RBMS3: variants seen among roughly 807,000 people sequenced by gnomAD.
RBMS3 encodes RNA-binding motif, single-stranded-interacting protein 3.
RBMS3 carries 27 observed loss-of-function variants against 66.8 expected under a neutral mutation model. The ratio of observed to expected loss-of-function variants is 0.40; its 90% CI spans 0.30 to 0.56. The LOEUF is 0.56. Among genes scored for constraint, RBMS3 ranks in the 20% least tolerant of loss-of-function variants. RBMS3 has a pLI of 0.40. For missense variants in RBMS3, 513 were observed against 549.5 expected (o/e 0.93, Z 0.66); for synonymous variants, 188 against 183.0 (o/e 1.03, Z -0.22).
At chr3:29,476,570 T>C (rs902242307) in intron 2 of RBMS3, among the ~76,000 whole-genome samples, 5 of 152,170 alleles carry the variant, frequency 3.3e-5, no homozygotes, top group African/African-American at 1.2e-4. Context: ...AATAACAGCT[T>C]TACCTAGCAT....
At chr3:29,451,847 T>A (rs1453033817) in intron 2 of RBMS3, among the ~76,000 whole-genome samples, 1 of 152,196 alleles carries the variant, frequency 6.6e-6, no homozygotes, top group African/African-American at 2.4e-5. Flanking sequence ...GCATACCACG[T>A]TCATGTTGTT....
intron 10 of RBMS3, among the ~76,000 whole-genome samples, chr3:29,933,290 A>G (rs184945786): frequency 3.3e-5 from 5 of 152,306 alleles, no homozygotes; most frequent in East Asian, 1.9e-4. Flanking sequence ...CATGCTAACC[A>G]TAAGGCTTTT....
intron 4 of RBMS3, among the ~76,000 whole-genome samples, chr3:29,669,183 G>A (rs1057243300): frequency 2.6e-5 from 4 of 152,232 alleles, no homozygotes; most frequent in African/African-American, 7.2e-5. Context: ...CCTCATGGGA[G>A]AGACCAAAGC....
chr3:29,750,594 G>A (rs183099319), intron 5 of RBMS3, among the ~76,000 whole-genome samples: 4 of 152,086 alleles, frequency 2.6e-5, no homozygotes, highest in Admixed American at 6.5e-5. Context: ...GTGCAGGTTC[G>A]TTATATAGGT....
At chr3:29,621,282 A>C (rs191141537) in intron 4 of RBMS3, among the ~76,000 whole-genome samples, 10 of 152,112 alleles carry the variant, frequency 6.6e-5, no homozygotes, top group Admixed American at 4.6e-4. Context: ...AGAACTTTAA[A>C]CTCTTATGCC....
chr3:29,657,469 T>G (rs1056084081), intron 4 of RBMS3, among the ~76,000 whole-genome samples: 1 of 152,252 alleles, frequency 6.6e-6, no homozygotes, highest in African/African-American at 2.4e-5. Context: ...AGTGTTCAAC[T>G]TTGAAAATGT....
intron 4 of RBMS3, among the ~76,000 whole-genome samples, chr3:29,732,907 C>G (rs2054195847): frequency 6.6e-6 from 1 of 152,034 alleles, no homozygotes; most frequent in African/African-American, 2.4e-5. Context: ...AGTACTACAT[C>G]AAGTCAAACA....
intron 4 of RBMS3, among the ~76,000 whole-genome samples, chr3:29,662,136 T>A (rs2050577444): frequency 6.6e-6 from 1 of 152,226 alleles, no homozygotes; most frequent in African/African-American, 2.4e-5. Flanking sequence ...GGGATTGTTC[T>A]GTTAAAAATA....
chr3:29,924,319 A>G (rs1013687876), intron 10 of RBMS3, among the ~76,000 whole-genome samples: 1 of 152,230 alleles, frequency 6.6e-6, no homozygotes, highest in African/African-American at 2.4e-5. Flanking sequence ...AGCAGAAGTC[A>G]CAAATCTATA....
At chr3:29,594,320 C>G (rs1459129984) in intron 4 of RBMS3, among the ~76,000 whole-genome samples, 1 of 152,000 alleles carries the variant, frequency 6.6e-6, no homozygotes, top group Non-Finnish European at 1.5e-5. Context: ...TTTATTTCAA[C>G]ACTTACCTTC....
chr3:29,833,983 A>G (rs1035504854), intron 6 of RBMS3, among the ~76,000 whole-genome samples: 4 of 152,140 alleles, frequency 2.6e-5, no homozygotes, highest in African/African-American at 9.6e-5. Context: ...ACTATCAGAC[A>G]AGAAATAGGT....
intron 4 of RBMS3, among the ~76,000 whole-genome samples, chr3:29,641,658 G>GT (rs1308720933): frequency 6.6e-6 from 1 of 151,914 alleles, no homozygotes; most frequent in African/African-American, 2.4e-5. Flanking sequence ...TTGGCCACTT[G>GT]TTTTTTTCTC....
chr3:29,978,047 A>G (rs1283849863), intron 12 of RBMS3, among the ~76,000 whole-genome samples: 1 of 152,184 alleles, frequency 6.6e-6, no homozygotes, highest in Non-Finnish European at 1.5e-5. Flanking sequence ...GCTGGATAAA[A>G]TGAAAGCAGT....
At chr3:29,405,393 T>C (rs1249052623) in intron 1 of RBMS3, among the ~76,000 whole-genome samples, 2 of 152,202 alleles carry the variant, frequency 1.3e-5, no homozygotes, top group African/African-American at 2.4e-5. Flanking sequence ...GAATTCTTTA[T>C]TTTGTGTGCC....
At chr3:29,917,462 C>T (rs2060666749) in intron 10 of RBMS3, among the ~76,000 whole-genome samples, 1 of 152,006 alleles carries the variant, frequency 6.6e-6, no homozygotes, top group Non-Finnish European at 1.5e-5. Flanking sequence ...AGATTTAATG[C>T]AGTATAAATT....
At chr3:29,521,138 T>C (rs1372761985) in intron 3 of RBMS3, among the ~76,000 whole-genome samples, 1 of 152,160 alleles carries the variant, frequency 6.6e-6, no homozygotes. Flanking sequence ...CATCCTTGAT[T>C]ATATTAATAT....
At chr3:29,441,524 T>G (rs1002626120) in intron 2 of RBMS3, among the ~76,000 whole-genome samples, 1 of 152,138 alleles carries the variant, frequency 6.6e-6, no homozygotes, top group Non-Finnish European at 1.5e-5. Flanking sequence ...TTGTTCAAAT[T>G]TATGCAGCCA....
At chr3:29,618,320 C>T (rs1576370517) in intron 4 of RBMS3, among the ~76,000 whole-genome samples, 1 of 152,034 alleles carries the variant, frequency 6.6e-6, no homozygotes, top group African/African-American at 2.4e-5. Flanking sequence ...AATGGTGAAA[C>T]CTCATCTCTA....
At chr3:29,343,400 C>T (rs946814918) in intron 1 of RBMS3, among the ~76,000 whole-genome samples, 1 of 151,796 alleles carries the variant, frequency 6.6e-6, no homozygotes, top group Non-Finnish European at 1.5e-5. Flanking sequence ...TGCAATTTGA[C>T]ATATTAACTA....
Sources: allele counts gnomAD v4.1 joint callset (sites outside exome capture counted in the v4.1 genomes callset), GRCh38; gene constraint gnomAD v4.1.1; transcripts MANE v1.5; gene names NCBI Gene and HGNC (gene_info 2026-07-23, HGNC 2026-07-21).